Variants in STXBP5L observed in about 807,000 individuals in gnomAD.
The protein encoded by STXBP5L is syntaxin-binding protein 5-like.
Under a neutral mutation model 144.5 loss-of-function variants are expected in STXBP5L, and 65 were observed. That is an observed-to-expected ratio of 0.45 (90% CI 0.37 to 0.55). STXBP5L has a LOEUF of 0.55. Among genes scored for constraint, STXBP5L ranks in the 20% least tolerant of loss-of-function variants. STXBP5L has a pLI of 0.00. For missense variants in STXBP5L, 1,298 were observed against 1,405.5 expected, an observed-to-expected ratio of 0.92 and a Z score of 1.22; for synonymous variants, 505 against 469.6, an observed-to-expected ratio of 1.08 and a Z score of -0.97.
At chr3:121,333,897 G>T (rs535909712) in intron 20 of STXBP5L, among the ~76,000 whole-genome samples, 56 of 152,076 alleles carry the variant, frequency 3.7e-4, no homozygotes, top group African/African-American at 1.3e-3. Context: ...CTACTGATAT[G>T]GTTTGGCTGT....
chr3:121,170,942 A>G (rs1482732374), intron 9 of STXBP5L, among the ~76,000 whole-genome samples: 4 of 152,216 alleles, frequency 2.6e-5, no homozygotes, highest in South Asian at 4.1e-4. Flanking sequence ...AAAATCCTCA[A>G]TAAAATACTG....
intron 9 of STXBP5L, among the ~76,000 whole-genome samples, chr3:121,173,350 A>AATG (rs757426540): frequency 7.0e-6 from 1 of 142,336 alleles, no homozygotes; most frequent in Admixed American, 7.0e-5. Flanking sequence ...TAATAATAAT[A>AATG]ATGATAATAG....
chr3:121,026,675 C>T (rs190920394), intron 3 of STXBP5L, among the ~76,000 whole-genome samples: 1 of 151,678 alleles, frequency 6.6e-6, no homozygotes, highest in African/African-American at 2.4e-5. Flanking sequence ...AGAAAGCATC[C>T]GTTAGTGATT....
chr3:121,370,614 C>T (rs565045794), intron 20 of STXBP5L, among the ~76,000 whole-genome samples: 2 of 152,310 alleles, frequency 1.3e-5, no homozygotes, highest in South Asian at 4.1e-4. Flanking sequence ...ATGTTGCTTC[C>T]ATTCTCTCCA....
intron 3 of STXBP5L, among the ~76,000 whole-genome samples, chr3:121,006,739 A>T (rs148522585): frequency 6.6e-6 from 1 of 152,130 alleles, no homozygotes; most frequent in African/African-American, 2.4e-5. Flanking sequence ...CTTTTAGGGC[A>T]GGCCTGGTGG....
chr3:121,211,370 T>A (rs1295755183), intron 10 of STXBP5L, among the ~76,000 whole-genome samples: 1 of 152,050 alleles, frequency 6.6e-6, no homozygotes, highest in Non-Finnish European at 1.5e-5. Flanking sequence ...ATGTCATCTG[T>A]AAACAGGGAC....
intron 5 of STXBP5L, among the ~76,000 whole-genome samples, chr3:121,101,628 A>G (rs2043431446): frequency 6.6e-6 from 1 of 152,120 alleles, no homozygotes; most frequent in Admixed American, 6.6e-5. Flanking sequence ...CCAATATCAT[A>G]CTGAACAGGC....
At chr3:121,387,244 A>T (rs2046448666) in intron 22 of STXBP5L, among the ~76,000 whole-genome samples, 1 of 151,888 alleles carries the variant, frequency 6.6e-6, no homozygotes, top group South Asian at 2.1e-4. Flanking sequence ...CCACTTTTTG[A>T]TGGGGTTGCT....
chr3:121,151,093 CA>C (rs1040475397), intron 7 of STXBP5L, among the ~76,000 whole-genome samples: 189 of 135,534 alleles, frequency 1.4e-3, no homozygotes, highest in Middle Eastern at 7.6e-3. Flanking sequence ...TCCTCTGTCT[CA>C]AAAAAAAAAA....
chr3:121,145,029 A>G (rs1420888364), intron 7 of STXBP5L, among the ~76,000 whole-genome samples: 3 of 151,910 alleles, frequency 2.0e-5, no homozygotes, highest in Non-Finnish European at 4.4e-5. Context: ...ATACTAATCA[A>G]TGAACTTAAA....
In STXBP5L at chr3:120,954,970, A is replaced by G. The variant is rs780373690; in HGVS notation, c.220A>G (p.Thr74Ala). ...TCGGCATGGTTTTCCTCATCAGCCC[A>G]CAGCATTAGCCTTTGATCCAGTTCA... is the stretch of plus-strand genomic sequence containing the variant. The part of the protein sequence containing the change: ...TVRHGFPHQP[T>A]ALAFDPVQKI... Residue 74 changes from threonine to alanine, a missense_variant, in exon 3 of 27, where the codon ACA becomes GCA. By Grantham distance (58) the Thr-to-Ala change is moderately conservative. Transcript: ENST00000471454. 6.2e-7 allele frequency: 1 copy of G among 1,612,644 alleles called. No homozygotes were observed. The highest frequency in any genetic ancestry group is 1.7e-5 in the Admixed American group (1 of 59,794).
intron 9 of STXBP5L, among the ~76,000 whole-genome samples, chr3:121,194,419 C>G (rs2047836561): frequency 6.6e-6 from 1 of 151,230 alleles, no homozygotes; most frequent in Non-Finnish European, 1.5e-5. Context: ...ATTTATTTTT[C>G]AGTGCTTTTT....
chr3:121,188,055 A>G (rs1372561659), intron 9 of STXBP5L, among the ~76,000 whole-genome samples: 2 of 152,194 alleles, frequency 1.3e-5, no homozygotes, highest in African/African-American at 2.4e-5. Context: ...AGATACTTAC[A>G]AAGAGACTTA....
At chr3:121,303,164 T>C (rs1375803798) in intron 19 of STXBP5L, among the ~76,000 whole-genome samples, 3 of 151,894 alleles carry the variant, frequency 2.0e-5, no homozygotes, top group Non-Finnish European at 4.4e-5. Flanking sequence ...GAATCTACAA[T>C]GAACTCAAAC....
intron 5 of STXBP5L, among the ~76,000 whole-genome samples, chr3:121,050,369 G>C (rs1471936419): frequency 6.6e-6 from 1 of 152,056 alleles, no homozygotes; most frequent in Non-Finnish European, 1.5e-5. Flanking sequence ...GAAATTTCAA[G>C]GATATCAAAA....
At chr3:120,981,756 A>T (rs754438025) in intron 3 of STXBP5L, among the ~76,000 whole-genome samples, 3 of 152,114 alleles carry the variant, frequency 2.0e-5, no homozygotes, top group African/African-American at 4.8e-5. Flanking sequence ...GTTTTTTCAT[A>T]TTGCCAGTGT....
rs115889831 is a variant in STXBP5L at position 121,019,598 on chromosome 3, C to G, written c.288-22102C>G. On this transcript the variant is annotated intron_variant, in intron 3 of 26. Coordinates refer to ENST00000471454, the MANE Select transcript of STXBP5L (RefSeq NM_001308330.2). ...TGATAATGGATCACATCACAGGACT[C>G]TTTGCAGACACTCCCCACCCAGTAC... Among the ~76,000 whole-genome samples, 193 of 152,280 alleles carry G rather than the reference C, an allele frequency of 1.3e-3. 1 individual carries two copies. Among genetic ancestry groups the G allele is most frequent in the African/African-American group, 4.3e-3 (180 of 41,566 alleles).
At chr3:120,919,337 A>G (rs1276643982) in intron 2 of STXBP5L, among the ~76,000 whole-genome samples, 1 of 152,092 alleles carries the variant, frequency 6.6e-6, no homozygotes, top group East Asian at 1.9e-4. Context: ...AATCTGTTTT[A>G]TTAGTAACTT....
intron 11 of STXBP5L, among the ~76,000 whole-genome samples, chr3:121,224,210 T>C (rs1019554706): frequency 1.3e-5 from 2 of 152,164 alleles, no homozygotes; most frequent in South Asian, 2.1e-4. Context: ...AATAGTAATA[T>C]GGTCTCCACA....
Sources: gnomAD v4.1 joint callset for allele counts (sites outside exome capture counted in the v4.1 genomes callset) on GRCh38, gnomAD v4.1.1 for gene constraint, MANE v1.5 for transcripts, NCBI Gene and HGNC (gene_info 2026-07-23, HGNC 2026-07-21) for gene names.